The following DCHS2 variants were observed in gnomAD, a reference collection of about 807,000 sequenced individuals.
The protein encoded by DCHS2 is protocadherin-23.
A neutral mutation model predicts 182.4 loss-of-function variants in DCHS2; 142 were observed. The ratio of observed to expected loss-of-function variants is 0.78; its 90% CI spans 0.68 to 0.89. The LOEUF (loss-of-function observed/expected upper bound fraction) is 0.89, where lower values mean the gene tolerates loss of function less well. Ranked by LOEUF, DCHS2 falls within the 40% of genes least tolerant of loss-of-function variation. DCHS2 has a pLI of 0.00. For synonymous variants in DCHS2, 1,740 were observed against 1,663.3 expected (o/e 1.05, Z -1.12); for missense variants, 4,319 against 4,198.6 (o/e 1.03, Z -0.79).
At chr4:154,348,040 T>C (rs1729439882) in intron 3 of DCHS2, among the ~76,000 whole-genome samples, 1 of 151,986 alleles carries the variant, frequency 6.6e-6, no homozygotes, top group Non-Finnish European at 1.5e-5. Flanking sequence ...CAAAATCTTT[T>C]CAATAAAGCT....
At chr4:154,428,494 G>A (rs1227042989) in intron 1 of DCHS2, among the ~76,000 whole-genome samples, 4 of 152,100 alleles carry the variant, frequency 2.6e-5, no homozygotes, top group South Asian at 2.1e-4. Context: ...AGCTATGATC[G>A]TACCACTGCA....
intron 16 of DCHS2, among the ~76,000 whole-genome samples, chr4:154,253,607 G>T (rs1732495464): frequency 6.6e-6 from 1 of 152,080 alleles, no homozygotes; most frequent in African/African-American, 2.4e-5. Context: ...CAATGTAGCA[G>T]GGAATAGGTT....
At chr4:154,427,970 T>C (rs1490541131) in intron 1 of DCHS2, among the ~76,000 whole-genome samples, 1 of 152,232 alleles carries the variant, frequency 6.6e-6, no homozygotes, top group Non-Finnish European at 1.5e-5. Context: ...ACAGTTCAGC[T>C]GGAGAGAAGT....
chr4:154,347,427 A>C lies in DCHS2; in HGVS notation c.2477-12323T>G, dbSNP rs188324562. On this transcript the variant is annotated intron_variant, in intron 3 of 19. Coordinates refer to ENST00000357232, the MANE Select transcript of DCHS2 (RefSeq NM_001358235.2). ...CTAGTTTGATCTTCAGCAGTTTCTT[A>C]AGTGCTCTGAGCTTCTGTTTATCAC... Among the ~76,000 whole-genome samples the C allele has an allele frequency of 3.2e-4, 48 of 151,638 alleles. 1 individual carries two copies. Among genetic ancestry groups the C allele is most frequent in the Non-Finnish European group, 6.3e-4 (43 of 67,978 alleles).
intron 3 of DCHS2, among the ~76,000 whole-genome samples, chr4:154,346,689 A>G (rs1261008367): frequency 6.6e-6 from 1 of 151,980 alleles, no homozygotes; most frequent in African/African-American, 2.4e-5. Context: ...GCTTCTACTT[A>G]AGACCACAAA....
At chr4:154,419,608 C>T (rs12642357) in intron 1 of DCHS2, among the ~76,000 whole-genome samples, 45,018 of 136,322 alleles carry the variant, frequency 0.33, 8,835 homozygotes, top group East Asian at 0.82. Flanking sequence ...CGAGATCACA[C>T]CATTGCATTC....
At chr4:154,267,221 C>T (rs918438691) in intron 14 of DCHS2, among the ~76,000 whole-genome samples, 2 of 152,158 alleles carry the variant, frequency 1.3e-5, no homozygotes, top group South Asian at 4.1e-4. Flanking sequence ...TGATCAAATA[C>T]CAGGCAGGTG....
intron 8 of DCHS2, among the ~76,000 whole-genome samples, chr4:154,321,631 G>A (rs1158577713): frequency 6.6e-6 from 1 of 152,106 alleles, no homozygotes; most frequent in Non-Finnish European, 1.5e-5. Flanking sequence ...GTCTTTGTTT[G>A]TCTGAAACAA....
intron 1 of DCHS2, among the ~76,000 whole-genome samples, chr4:154,447,658 G>T (rs369302156): frequency 6.6e-6 from 1 of 152,142 alleles, no homozygotes; most frequent in Admixed American, 6.5e-5. Context: ...ATACCATGAG[G>T]TATTCTCAAG....
intron 1 of DCHS2, among the ~76,000 whole-genome samples, chr4:154,453,838 A>G (rs1043866813): frequency 6.6e-6 from 1 of 152,210 alleles, no homozygotes; most frequent in Non-Finnish European, 1.5e-5. Context: ...CTGAACTGAC[A>G]TAATAATCAA....
At chr4:154,443,925 T>C (rs1252440425) in intron 1 of DCHS2, among the ~76,000 whole-genome samples, 1 of 152,208 alleles carries the variant, frequency 6.6e-6, no homozygotes, top group African/African-American at 2.4e-5. Context: ...TTAGCCCTCA[T>C]TTGTATCCAG....
intron 1 of DCHS2, among the ~76,000 whole-genome samples, chr4:154,437,169 C>T (rs1733814709): frequency 6.6e-6 from 1 of 152,088 alleles, no homozygotes; most frequent in African/African-American, 2.4e-5. Context: ...GACAGTTCAC[C>T]CAGGAGCTTA....
intron 19 of DCHS2, 113 bp from the exon 20 acceptor site, chr4:154,237,272 C>A: frequency 7.4e-7 from 1 of 1,358,504 alleles, no homozygotes; most frequent in Non-Finnish European, 9.7e-7. Context: ...TTTGTTAGAT[C>A]TGTTAAGTCA....
At position 154,236,614 on chromosome 4, in the gene DCHS2, G is replaced by A. The variant is rs1365537415; in HGVS notation, c.8038C>T (p.Leu2680=). ...GAGACCACAGTGATGTGACTCCCTA[G>A]AGGGGTGCTTTCCTTGACATGGGTG... ...YHTHVKESTP[L]GSHITVVSAN... Residue 2680 remains leucine (L), a synonymous_variant, in exon 20 of 20, where the codon CTA becomes TTA. Transcript: ENST00000357232. 6.2e-7 allele frequency: 1 copy of A among 1,613,876 alleles called. No individual in the cohort carries two copies. Among genetic ancestry groups the A allele is most frequent in the Admixed American group, 1.7e-5 (1 of 59,994 alleles).
At chr4:154,254,522 T>C (rs1732549943) in intron 16 of DCHS2, among the ~76,000 whole-genome samples, 1 of 152,224 alleles carries the variant, frequency 6.6e-6, no homozygotes, top group Non-Finnish European at 1.5e-5. Flanking sequence ...TCCCCACTCA[T>C]GGATATTTTA....
At chr4:154,292,320 A>C (rs1057283211) in intron 13 of DCHS2, among the ~76,000 whole-genome samples, 3 of 152,132 alleles carry the variant, frequency 2.0e-5, no homozygotes, top group African/African-American at 7.2e-5. Flanking sequence ...AAATAAACTG[A>C]TGTCTTTGTC....
intron 16 of DCHS2, among the ~76,000 whole-genome samples, chr4:154,244,196 G>T (rs1016884840): frequency 1.3e-5 from 2 of 152,092 alleles, no homozygotes; most frequent in Non-Finnish European, 2.9e-5. Flanking sequence ...TTTCTTATGG[G>T]CAGGGAGCCG....
chr4:154,391,918 C>T (rs1371884026), intron 1 of DCHS2, among the ~76,000 whole-genome samples: 2 of 152,022 alleles, frequency 1.3e-5, no homozygotes, highest in Admixed American at 6.5e-5. Flanking sequence ...TTAGTATTCC[C>T]AGAGAAAATA....
rs149800771 is a variant in DCHS2 at position 154,232,288 on chromosome 4, G to A, written c.*2248C>T. 6.6e-6 allele frequency: 1 copy of A among 152,226 alleles called. No individual in the cohort carries two copies. Among genetic ancestry groups the A allele is most frequent in the East Asian group, 1.9e-4 (1 of 5,186 alleles). 9.4% of individuals were successfully genotyped at this position (152,226 alleles called of 1,614,324 possible). A position where few individuals can be genotyped will look rare whatever the true frequency, so the allele number is the denominator to read the frequency against. ...ACGATTTATTGCAAACACTTAACCA[G>A]CGTGTTCACATTTTTAACCCCATTC... On this transcript the variant is annotated 3_prime_UTR_variant, in exon 20 of 20. Coordinates refer to ENST00000357232, the MANE Select transcript of DCHS2 (RefSeq NM_001358235.2).
Sources: allele counts gnomAD v4.1 joint callset (sites outside exome capture counted in the v4.1 genomes callset), GRCh38; gene constraint gnomAD v4.1.1; transcripts MANE v1.5; gene names NCBI Gene and HGNC (gene_info 2026-07-23, HGNC 2026-07-21).